Variants in DNAJB14 observed in about 807,000 individuals in gnomAD.
The protein encoded by DNAJB14 is DnaJ heat shock protein family (Hsp40) member B14.
DNAJB14 carries 22 observed loss-of-function variants against 48.4 expected under a neutral mutation model. The observed-to-expected ratio is 0.45, with a 90% confidence interval of 0.32 to 0.65. DNAJB14 has a LOEUF of 0.65. DNAJB14 is among the 30% of genes least tolerant of loss of function. The pLI is 0.03. For synonymous variants in DNAJB14, 142 were observed against 158.7 expected (o/e 0.89, Z 0.79); for missense variants, 319 against 458.8 (o/e 0.70, Z 2.78).
At chr4:99,944,682 T>G (rs1443852046) in intron 1 of DNAJB14, among the ~76,000 whole-genome samples, 1 of 152,026 alleles carries the variant, frequency 6.6e-6, no homozygotes, top group African/African-American at 2.4e-5. Flanking sequence ...CAAGCGATTC[T>G]CCTGCCTCAG....
intron 7 of DNAJB14, among the ~76,000 whole-genome samples, chr4:99,903,170 C>G (rs1242537321): frequency 1.3e-5 from 2 of 152,030 alleles, no homozygotes; most frequent in Non-Finnish European, 2.9e-5. Flanking sequence ...TCAGCAGATT[C>G]TTATATCAAT....
At chr4:99,915,125 G>A (rs1725804918) in intron 3 of DNAJB14, among the ~76,000 whole-genome samples, 1 of 152,110 alleles carries the variant, frequency 6.6e-6, no homozygotes, top group Admixed American at 6.6e-5. Context: ...TCTAACATAT[G>A]CATTTCATGT....
chr4:99,900,873 G>A lies in DNAJB14; in HGVS notation c.*155C>T. ...TTTAGTTTTCAGTTACTATTTAAAG[G>A]AGCCAGTAGGTCATAAACAGTCCAA... is the stretch of plus-strand genomic sequence containing the variant. On this transcript the variant is annotated 3_prime_UTR_variant, in exon 8 of 8. Transcript: ENST00000442697. 1 of 601,898 alleles carries A rather than the reference G, an allele frequency of 1.7e-6. No individual in the cohort carries two copies. The highest frequency in any genetic ancestry group is 2.6e-6 in the Non-Finnish European group (1 of 391,416). The allele number at this position is 601,898 out of a possible 1,614,324, so 37.3% of individuals were successfully genotyped here. A position where few individuals can be genotyped will look rare whatever the true frequency, so the allele number is the denominator to read the frequency against.
chr4:99,912,444 A>C (rs1030681415), intron 3 of DNAJB14, among the ~76,000 whole-genome samples: 1 of 151,616 alleles, frequency 6.6e-6, no homozygotes, highest in Admixed American at 6.6e-5. Flanking sequence ...TTTGACAGGA[A>C]TTGTGTTAAA....
chr4:99,928,473 GA>G (rs1332047024), intron 2 of DNAJB14: 2 of 327,292 alleles, frequency 6.1e-6, no homozygotes, highest in Non-Finnish European at 1.3e-5. Context: ...GGGCTTTGGA[GA>G]ACCACACACA....
Position 99,936,464 on chromosome 4 carries a change from A to G in DNAJB14, c.134-5843T>C, listed in dbSNP as rs112868215. Among the ~76,000 whole-genome samples the G allele has an allele frequency of 3.3e-5, 5 of 152,360 alleles. 1 individual carries two copies. Among genetic ancestry groups the G allele is most frequent in the African/African-American group, 1.2e-4 (5 of 41,586 alleles). On this transcript the variant is annotated intron_variant, in intron 1 of 7. Coordinates refer to ENST00000442697, the MANE Select transcript of DNAJB14 (RefSeq NM_001031723.4). ...ATATAACACACATATGTACAGAAAT[A>G]TACATACATGCATTCACGCATACAT...
At chr4:99,913,136 G>C (rs1486968970) in intron 3 of DNAJB14, among the ~76,000 whole-genome samples, 1 of 152,162 alleles carries the variant, frequency 6.6e-6, no homozygotes, top group Non-Finnish European at 1.5e-5. Context: ...CATAACAACA[G>C]TTTTAGCTCT....
At position 99,900,472 on chromosome 4, in the gene DNAJB14, G is replaced by GATA. The variant is rs1725261342; in HGVS notation, c.*553_*555dup. 1 of 152,014 alleles carries GATA rather than the reference G, an allele frequency of 6.6e-6. No homozygotes were observed. Among genetic ancestry groups the GATA allele is most frequent in the Admixed American group, 6.6e-5 (1 of 15,256 alleles). 9.4% of individuals were successfully genotyped at this position (152,014 alleles called of 1,614,324 possible). On this transcript the variant is annotated 3_prime_UTR_variant, in exon 8 of 8. Coordinates refer to ENST00000442697, the MANE Select transcript of DNAJB14 (RefSeq NM_001031723.4). ...TAAAAATATCAATTCCCTCTAAGCT[G>GATA]ATAATACTATAAGATTTTACACAAA... is the stretch of plus-strand genomic sequence containing the variant.
rs563855863 is a variant in DNAJB14 at position 99,932,018 on chromosome 4, T to C, written c.134-1397A>G. On this transcript the variant is annotated intron_variant, in intron 1 of 7. Coordinates refer to ENST00000442697, the MANE Select transcript of DNAJB14 (RefSeq NM_001031723.4). ...ACTCCATCACACTGGACACAAAAAT[T>C]AACTCGGAATGGATCATGAATCTAA... Among the ~76,000 whole-genome samples, 6 of 152,076 alleles carry C rather than the reference T, an allele frequency of 3.9e-5. No homozygotes were observed. In the South Asian group the frequency reaches 1.2e-3, roughly 31 times the overall value.
chr4:99,901,884 G>A (rs1012299761), intron 7 of DNAJB14, among the ~76,000 whole-genome samples: 1 of 151,968 alleles, frequency 6.6e-6, no homozygotes, highest in African/African-American at 2.4e-5. Flanking sequence ...GTTACTTTCT[G>A]GAACACAATG....
intron 1 of DNAJB14, among the ~76,000 whole-genome samples, chr4:99,935,855 G>T (rs926280619): frequency 2.0e-5 from 3 of 152,202 alleles, no homozygotes; most frequent in South Asian, 4.1e-4. Context: ...ATCACTTGAG[G>T]TCAAGAATTT....
In DNAJB14 at chr4:99,900,964, G is replaced by T; in HGVS notation, c.*64C>A. 1 of 1,533,844 alleles carries T rather than the reference G, an allele frequency of 6.5e-7. No individual in the cohort carries two copies. On this transcript the variant is annotated 3_prime_UTR_variant, in exon 8 of 8. Coordinates refer to ENST00000442697, the MANE Select transcript of DNAJB14 (RefSeq NM_001031723.4). ...AATCTTTTCCTTCATCCCTCATGAT[G>T]AAACCAAACTTACTTACAGAAAAAA...
chr4:99,923,898 T>A (rs1214063962), intron 2 of DNAJB14: 1 of 984,424 alleles, frequency 1.0e-6, no homozygotes, highest in Non-Finnish European at 1.2e-6. Context: ...TAACATCTCA[T>A]GATAAAATAT....
intron 1 of DNAJB14, among the ~76,000 whole-genome samples, chr4:99,939,611 T>A (rs1211609052): frequency 1.3e-5 from 2 of 152,264 alleles, no homozygotes; most frequent in Non-Finnish European, 2.9e-5. Context: ...TGGAATTTCA[T>A]GCACAGGGCT....
rs549080505 is a variant in DNAJB14, at chr4:99,932,544, GT to G, written c.134-1924del. ...TGGGGAGAAATTGGTACCCTAATAA[GT>G]TTCTAGTGAGAATGTAAAATGATGC... On this transcript the variant is annotated intron_variant, in intron 1 of 7. Transcript: ENST00000442697. Among the ~76,000 whole-genome samples, 51 of 152,242 alleles carry G rather than the reference GT, an allele frequency of 3.3e-4. No individual in the cohort carries two copies. The East Asian group carries it at 9.6e-3, about 29-fold the overall frequency.
intron 3 of DNAJB14, among the ~76,000 whole-genome samples, chr4:99,918,828 C>T (rs1488232225): frequency 6.6e-6 from 1 of 152,182 alleles, no homozygotes; most frequent in East Asian, 1.9e-4. Context: ...ATTAGGCTAC[C>T]TATGATACTA....
At chr4:99,943,939 T>G (rs1476736111) in intron 1 of DNAJB14, among the ~76,000 whole-genome samples, 3 of 151,782 alleles carry the variant, frequency 2.0e-5, no homozygotes, top group Admixed American at 6.6e-5. Flanking sequence ...ATCAACAAAG[T>G]GATGAAAAGG....
intron 2 of DNAJB14, chr4:99,924,799 C>T (rs369209747): frequency 6.0e-4 from 962 of 1,590,334 alleles, no homozygotes; most frequent in Non-Finnish European, 8.0e-4. Flanking sequence ...TATCAATGTT[C>T]CAATATCCAT....
At chr4:99,935,676 G>T (rs1726646557) in intron 1 of DNAJB14, among the ~76,000 whole-genome samples, 2 of 149,816 alleles carry the variant, frequency 1.3e-5, no homozygotes, top group Non-Finnish European at 3.0e-5. Flanking sequence ...TCTTCTAATA[G>T]AAAAATTATT....
Sources: allele counts gnomAD v4.1 joint callset (sites outside exome capture counted in the v4.1 genomes callset), GRCh38; gene constraint gnomAD v4.1.1; transcripts MANE v1.5; gene names NCBI Gene and HGNC (gene_info 2026-07-23, HGNC 2026-07-21).